The following TTLL7 variants were observed in gnomAD, a reference collection of about 807,000 sequenced individuals.
TTLL7 encodes tubulin tyrosine ligase like 7.
TTLL7 carries 53 observed loss-of-function variants against 120.2 expected under a neutral mutation model. That is an observed-to-expected ratio of 0.44 (90% CI 0.35 to 0.55). The LOEUF (loss-of-function observed/expected upper bound fraction) is 0.55. Among genes scored for constraint, TTLL7 ranks in the 20% least tolerant of loss-of-function variants. TTLL7 has a pLI of 0.00. For missense variants in TTLL7, 803 were observed against 1,054.7 expected (o/e 0.76, Z 3.31); for synonymous variants, 353 against 351.7 (o/e 1.00, Z -0.04).
At chr1:83,995,797 C>G (rs768538175) in intron 1 of TTLL7, among the ~76,000 whole-genome samples, 2 of 151,988 alleles carry the variant, frequency 1.3e-5, no homozygotes, top group Non-Finnish European at 2.9e-5. Flanking sequence ...AAAAAGCATA[C>G]GCACAAAGAT....
At chr1:83,991,067 AT>A (rs1467579791) in intron 1 of TTLL7, among the ~76,000 whole-genome samples, 7 of 152,358 alleles carry the variant, frequency 4.6e-5, no homozygotes, top group African/African-American at 1.7e-4. Flanking sequence ...CTTGGAGGAC[AT>A]TATATTAAGT....
chr1:83,907,333 C>A, intron 16 of TTLL7, 123 bp downstream of exon 16: 1 of 825,068 alleles, frequency 1.2e-6, no homozygotes, highest in Non-Finnish European at 1.9e-6. Flanking sequence ...ATCCAAATTT[C>A]AAGAGGTCAT....
chr1:83,911,521 G>A lies in TTLL7; in HGVS notation c.1588-158C>T, dbSNP rs374807839. Among the ~76,000 whole-genome samples, 21 of 152,176 alleles carry A rather than the reference G, an allele frequency of 1.4e-4. No individual in the cohort carries two copies. In the East Asian group the frequency reaches 2.3e-3, roughly 17 times the overall value. ...TTGCTGCCATGCTGCTTAGCCTACA[G>A]TGCTATGCATTGATTGTTGTTTCTG... On this transcript the variant is annotated intron_variant, in intron 14 of 20. Coordinates refer to ENST00000260505, the MANE Select transcript of TTLL7 (RefSeq NM_024686.6).
chr1:83,910,592 G>A (rs554676901), intron 15 of TTLL7, among the ~76,000 whole-genome samples: 4 of 152,128 alleles, frequency 2.6e-5, no homozygotes, highest in South Asian at 2.1e-4. Context: ...AAGCAGAAAC[G>A]GAAGGAGATG....
chr1:83,986,476 C>T (rs182760090), intron 1 of TTLL7, among the ~76,000 whole-genome samples: 4 of 152,082 alleles, frequency 2.6e-5, no homozygotes, highest in African/African-American at 4.8e-5. Context: ...TTCTTGACCC[C>T]GTAAAGAGCA....
intron 1 of TTLL7, among the ~76,000 whole-genome samples, chr1:83,991,501 T>C (rs1308056661): frequency 2.0e-5 from 3 of 151,932 alleles, no homozygotes; most frequent in African/African-American, 7.3e-5. Flanking sequence ...TAAAAATTAG[T>C]TGGGCACGGT....
At position 83,866,248 on chromosome 1, in the gene TTLL7, G is replaced by A. The variant is rs1054041351; in HGVS notation, c.*3714C>T. 6.6e-6 allele frequency: 1 copy of A among 151,762 alleles called. No individual in the cohort carries two copies. Among genetic ancestry groups the A allele is most frequent in the Non-Finnish European group, 1.5e-5 (1 of 67,740 alleles). 9.4% of individuals were successfully genotyped at this position (151,762 alleles called of 1,614,324 possible). The stretch of plus-strand genomic sequence containing the variant: ...AAAATCAAATAATGGCATTTCTGCA[G>A]CTATCAATTTTTTGATACTTTTGAA... On this transcript the variant is annotated 3_prime_UTR_variant, in exon 21 of 21. Coordinates refer to ENST00000260505, the MANE Select transcript of TTLL7 (RefSeq NM_024686.6).
intron 19 of TTLL7, among the ~76,000 whole-genome samples, chr1:83,889,388 T>C (rs572477970): frequency 6.6e-6 from 1 of 152,160 alleles, no homozygotes; most frequent in Non-Finnish European, 1.5e-5. Context: ...AGAGAAACCA[T>C]ATCAAATGAT....
chr1:83,895,799 A>T (rs958488495), intron 18 of TTLL7, among the ~76,000 whole-genome samples: 5 of 152,120 alleles, frequency 3.3e-5, no homozygotes, highest in Non-Finnish European at 5.9e-5. Flanking sequence ...CAGCAGCAAA[A>T]GCCTAGAGAG....
Position 83,880,963 on chromosome 1 carries a change from G to C in TTLL7, c.2543+2000C>G, listed in dbSNP as rs910774617. ...ATATCTACAACTATCCGATCTTTGA[G>C]AAACCTGAGAAAAATAAGCAATGGG... On this transcript the variant is annotated intron_variant, in intron 20 of 20. Coordinates refer to ENST00000260505, the MANE Select transcript of TTLL7 (RefSeq NM_024686.6). 9.2e-5 allele frequency among the ~76,000 whole-genome samples: 14 copies of C among 152,158 alleles called. No individual in the cohort carries two copies. In the East Asian group the frequency reaches 1.9e-3, roughly 21 times the overall value.
chr1:83,921,265 C>G lies in TTLL7; in HGVS notation c.1272G>C (p.Glu424Asp). ...SDWEQQRHQL[E>D]RRKEELKERL... ...TTCATACCAACTCTTCTTTCCGCCTCTCCAACTGGTGTCTCTGCTGTTCCC... is the reference window on the plus strand; with the variant it reads ...TTCATACCAACTCTTCTTTCCGCCTGTCCAACTGGTGTCTCTGCTGTTCCC... The change falls in exon 11 of 21, where the codon GAG (glutamate) becomes GAC (aspartate). Residue 424 changes from glutamate (E) to aspartate (D), a missense_variant. By Grantham distance (45) the Glu-to-Asp change is conservative. Around this residue, in one of 3 missense-constraint regions of TTLL7, gnomAD observed 324 missense variants for 507.7 expected, o/e 0.64. Transcript: ENST00000260505. The G allele has an allele frequency of 6.2e-7, 1 of 1,612,898 alleles. No individual in the cohort carries two copies. The highest frequency in any genetic ancestry group is 8.5e-7 in the Non-Finnish European group (1 of 1,179,616).
chr1:83,903,541 T>C (rs1426522324), intron 18 of TTLL7, among the ~76,000 whole-genome samples: 2 of 152,056 alleles, frequency 1.3e-5, no homozygotes, highest in Non-Finnish European at 2.9e-5. Context: ...TGATATAAAA[T>C]GGTGGAATAT....
intron 8 of TTLL7, among the ~76,000 whole-genome samples, chr1:83,935,696 G>A (rs1647315867): frequency 6.6e-6 from 1 of 151,818 alleles, no homozygotes; most frequent in Non-Finnish European, 1.5e-5. Context: ...TAGAGAAATT[G>A]CCCGGGTTAT....
intron 1 of TTLL7, among the ~76,000 whole-genome samples, chr1:83,992,052 C>T (rs1653052097): frequency 1.3e-5 from 2 of 152,036 alleles, no homozygotes; most frequent in Admixed American, 1.3e-4. Context: ...ATTATATACT[C>T]AAGATAAATG....
chr1:83,975,860 A>C (rs950689319), intron 1 of TTLL7, among the ~76,000 whole-genome samples: 1 of 152,116 alleles, frequency 6.6e-6, no homozygotes, highest in African/African-American at 2.4e-5. Context: ...TTTCATATTT[A>C]AATACAGACC....
intron 1 of TTLL7, among the ~76,000 whole-genome samples, chr1:83,976,426 T>C (rs1651493046): frequency 6.6e-6 from 1 of 152,160 alleles, no homozygotes; most frequent in East Asian, 1.9e-4. Context: ...TCTCTCATTC[T>C]GAGCAAAACA....
chr1:83,922,363 G>A (rs1472954533), intron 10 of TTLL7, among the ~76,000 whole-genome samples: 1 of 152,114 alleles, frequency 6.6e-6, no homozygotes, highest in Non-Finnish European at 1.5e-5. Context: ...CTAGTGCAGA[G>A]GTAAGAGAAG....
At chr1:83,937,205 ATT>A (rs71695804) in intron 8 of TTLL7, among the ~76,000 whole-genome samples, 113 of 144,412 alleles carry the variant, frequency 7.8e-4, no homozygotes, top group Admixed American at 2.9e-3. Flanking sequence ...CAGTACGGTA[ATT>A]TTTTTTTTTT....
At chr1:83,965,371 T>C (rs1650361277) in intron 1 of TTLL7, among the ~76,000 whole-genome samples, 1 of 152,064 alleles carries the variant, frequency 6.6e-6, no homozygotes, top group South Asian at 2.1e-4. Context: ...AAGTTCCTCC[T>C]TTGTTCTTCT....
Sources: allele counts gnomAD v4.1 joint callset (sites outside exome capture counted in the v4.1 genomes callset), GRCh38; gene constraint gnomAD v4.1.1; regional missense constraint gnomAD v4.1.1; transcripts MANE v1.5; gene names NCBI Gene and HGNC (gene_info 2026-07-23, HGNC 2026-07-21).